Variants in SYBU observed in about 807,000 individuals in gnomAD.
The protein encoded by SYBU is syntabulin, also known as GOLSYN A protein.
Under a neutral mutation model 35.9 loss-of-function variants are expected in SYBU, and 21 were observed. That is an observed-to-expected ratio of 0.58 (90% CI 0.41 to 0.84). The LOEUF (loss-of-function observed/expected upper bound fraction) is 0.84, where lower values mean the gene tolerates loss of function less well. SYBU is among the 40% of genes least tolerant of loss of function. SYBU has a pLI of 0.00. For missense variants in SYBU, 768 were observed against 848.2 expected (o/e 0.91, Z 1.17); for synonymous variants, 319 against 324.3 (o/e 0.98, Z 0.18).
chr8:109,636,172 A>G (rs559071485), intron 2 of SYBU, among the ~76,000 whole-genome samples: 1 of 152,182 alleles, frequency 6.6e-6, no homozygotes, highest in South Asian at 2.1e-4. Flanking sequence ...CATGCTTTTA[A>G]CTCAAATTTG....
At chr8:109,651,431 T>A (rs1464753608) in intron 1 of SYBU, among the ~76,000 whole-genome samples, 2 of 146,782 alleles carry the variant, frequency 1.4e-5, no homozygotes, top group African/African-American at 5.0e-5. Flanking sequence ...TTGAGTCTCA[T>A]AGGCCTGAAA....
At chr8:109,606,685 T>C (rs1247956995) in intron 3 of SYBU, among the ~76,000 whole-genome samples, 1 of 152,166 alleles carries the variant, frequency 6.6e-6, no homozygotes, top group Non-Finnish European at 1.5e-5. Context: ...TTATGAAATA[T>C]TAAGTTAATC....
intron 1 of SYBU, among the ~76,000 whole-genome samples, chr8:109,689,727 A>G (rs1174310059): frequency 4.0e-5 from 6 of 150,444 alleles, no homozygotes; most frequent in Non-Finnish European, 8.8e-5. Context: ...CTACACTTTT[A>G]GTGTCACATT....
At chr8:109,624,558 G>C (rs2130441320) in intron 2 of SYBU, among the ~76,000 whole-genome samples, 1 of 152,276 alleles carries the variant, frequency 6.6e-6, no homozygotes, top group South Asian at 2.1e-4. Context: ...ACAGTGGAGG[G>C]ATCAGGCCTT....
rs532498799 is a variant in SYBU, at chr8:109,686,645, C to A, written c.-58+4688G>T. On this transcript the variant is annotated intron_variant, in intron 1 of 7. Coordinates refer to the SYBU transcript ENST00000422135. ...TCCACCCATTCTTCATTTATACTAC[C>A]AAAGACATCAGTTCTGCCCTTGGGA... Among the ~76,000 whole-genome samples, 39 of 152,214 alleles carry A rather than the reference C, an allele frequency of 2.6e-4. 1 individual carries two copies. In the South Asian group the frequency reaches 7.9e-3, roughly 31 times the overall value.
chr8:109,618,878 A>G lies in SYBU; in HGVS notation c.391T>C (p.Tyr131His). Reference protein sequence around the residue: ...VGEGSIQSSRYKKESKSGLVK... With the variant: ...VGEGSIQSSRHKKESKSGLVK... The stretch of plus-strand genomic sequence containing the variant: ...AGGCCTGACTTTGATTCCTTCTTAT[A>G]TCGAGAGGACTGAATGCTTCCTTCA... The change falls in exon 3 of 7, where the codon TAT becomes CAT. Residue 131 changes from tyrosine to histidine, a missense_variant. Tyr to His is a moderately conservative substitution (Grantham distance 83, BLOSUM62 2). Coordinates refer to ENST00000276646, the MANE Select transcript of SYBU (RefSeq NM_001099754.2). 1.2e-6 allele frequency: 2 copies of G among 1,614,158 alleles called. No homozygotes were observed. Among genetic ancestry groups the G allele is most frequent in the African/African-American group, 1.3e-5 (1 of 75,056 alleles).
intron 3 of SYBU, chr8:109,608,224 T>A (rs1291306334): frequency 2.4e-6 from 1 of 416,744 alleles, no homozygotes; most frequent in East Asian, 3.6e-5. Flanking sequence ...ACAAAGGATT[T>A]GAAGAAATAC....
intron 1 of SYBU, among the ~76,000 whole-genome samples, chr8:109,670,375 C>G (rs1015534563): frequency 6.7e-6 from 1 of 148,300 alleles, no homozygotes; most frequent in African/African-American, 2.5e-5. Context: ...TTAGGTATAT[C>G]TAAAAAAAAA....
chr8:109,662,367 A>G (rs58052558), intron 1 of SYBU, among the ~76,000 whole-genome samples: 1,753 of 152,322 alleles, frequency 0.012, 21 homozygotes, highest in African/African-American at 0.04. Context: ...TCAGTGCTCA[A>G]AACCCTGGGG....
chr8:109,637,598 C>G (rs989286576), intron 2 of SYBU, among the ~76,000 whole-genome samples: 3 of 152,010 alleles, frequency 2.0e-5, no homozygotes, highest in African/African-American at 7.2e-5. Context: ...TTTAAATTCA[C>G]AGGAGGGTAG....
chr8:109,656,573 G>A (rs1006702612), intron 1 of SYBU, among the ~76,000 whole-genome samples: 1 of 152,150 alleles, frequency 6.6e-6, no homozygotes, highest in Non-Finnish European at 1.5e-5. Flanking sequence ...AATTGGGCAG[G>A]TTTCCTAATG....
Position 109,575,905 on chromosome 8 carries a change from C to G in SYBU, c.993G>C (p.Arg331Ser), listed in dbSNP as rs757269427. Reference protein sequence around the residue: ...VEAQLALKEARKEIKQLKQVI... With the variant: ...VEAQLALKEASKEIKQLKQVI... ...CCTGTTTGAGCTGTTTAATCTCTTT[C>G]CTGGCTTCTTTGAGTGCCAACTGGG... is the stretch of plus-strand genomic sequence containing the variant. Residue 331 changes from arginine to serine, a missense_variant, in exon 7 of 7, where the codon AGG becomes AGC. Transcript: ENST00000276646. 1.2e-6 allele frequency: 2 copies of G among 1,614,002 alleles called. No individual in the cohort carries two copies. Among genetic ancestry groups the G allele is most frequent in the South Asian group, 1.1e-5 (1 of 91,078 alleles).
intron 3 of SYBU, among the ~76,000 whole-genome samples, chr8:109,611,424 T>A (rs1440252690): frequency 1.3e-5 from 2 of 148,452 alleles, no homozygotes; most frequent in Admixed American, 1.3e-4. Context: ...AGAGAAAATA[T>A]GTAACCCTGC....
intron 6 of SYBU, 88 bp downstream of exon 6, chr8:109,577,780 T>TTCTA: frequency 1.5e-6 from 2 of 1,365,024 alleles, no homozygotes; most frequent in East Asian, 2.5e-5. Context: ...ATTTTTTCTT[T>TTCTA]TCTATCTTTC....
At chr8:109,585,235 C>T (rs574008510) in intron 4 of SYBU, among the ~76,000 whole-genome samples, 1 of 152,346 alleles carries the variant, frequency 6.6e-6, no homozygotes, top group Non-Finnish European at 1.5e-5. Context: ...TACAGTCCCT[C>T]CCACTGAATG....
chr8:109,650,641 A>G (rs904390965), intron 1 of SYBU, among the ~76,000 whole-genome samples: 1 of 152,146 alleles, frequency 6.6e-6, no homozygotes, highest in African/African-American at 2.4e-5. Flanking sequence ...TTGTGAGTAA[A>G]GCTAGCCTTT....
intron 1 of SYBU, among the ~76,000 whole-genome samples, chr8:109,674,115 T>C (rs1365416209): frequency 6.6e-6 from 1 of 152,104 alleles, no homozygotes; most frequent in Non-Finnish European, 1.5e-5. Flanking sequence ...CTTCAGGATA[T>C]TATCCAGGAG....
At chr8:109,661,074 T>C (rs1383523690) in intron 1 of SYBU, among the ~76,000 whole-genome samples, 1 of 152,218 alleles carries the variant, frequency 6.6e-6, no homozygotes, top group Non-Finnish European at 1.5e-5. Context: ...TCTAAAATTG[T>C]AAGGATTCAA....
intron 1 of SYBU, among the ~76,000 whole-genome samples, chr8:109,677,703 A>G (rs1312475090): frequency 1.3e-5 from 2 of 152,106 alleles, no homozygotes; most frequent in African/African-American, 4.8e-5. Flanking sequence ...CAACCCTATA[A>G]ATGCAGTATT....
Sources: allele counts gnomAD v4.1 joint callset (sites outside exome capture counted in the v4.1 genomes callset), GRCh38; gene constraint gnomAD v4.1.1; transcripts MANE v1.5; gene names NCBI Gene and HGNC (gene_info 2026-07-23, HGNC 2026-07-21).